BAZ2B: variants seen among roughly 807,000 people sequenced by gnomAD.
BAZ2B encodes the protein bromodomain adjacent to zinc finger domain 2B.
BAZ2B carries 91 observed loss-of-function variants against 246.0 expected under a neutral mutation model. The ratio of observed to expected loss-of-function variants is 0.37; its 90% CI spans 0.31 to 0.44. The LOEUF (loss-of-function observed/expected upper bound fraction) is 0.44. Ranked by LOEUF, BAZ2B falls within the 20% of genes least tolerant of loss-of-function variation. The pLI, the probability that BAZ2B is intolerant of heterozygous loss-of-function variation, is 1.00. For synonymous variants in BAZ2B, 855 were observed against 860.0 expected (o/e 0.99, Z 0.10); for missense variants, 2,332 against 2,533.7 (o/e 0.92, Z 1.71).
At chr2:159,576,531 T>A (rs57606853) in intron 1 of BAZ2B, among the ~76,000 whole-genome samples, 44,395 of 142,914 alleles carry the variant, frequency 0.31, 8,372 homozygotes, top group Admixed American at 0.44. Context: ...ATCAAAGGTT[T>A]AAAAAAAAAA....
chr2:159,531,876 C>A (rs184504919), intron 2 of BAZ2B, among the ~76,000 whole-genome samples: 1 of 152,280 alleles, frequency 6.6e-6, no homozygotes, highest in East Asian at 1.9e-4. Context: ...TTTATTCATG[C>A]TAACTTGCAA....
At chr2:159,699,612 TA>T in the BAZ2B span, among the ~76,000 whole-genome samples, 4 of 152,162 alleles carry the variant, frequency 2.6e-5, no homozygotes, top group Non-Finnish European at 4.4e-5. Context: ...GAGCTTACAA[TA>T]AATCAGTGGA....
intron 13 of BAZ2B, chr2:159,419,898 A>G (rs2068439764): frequency 6.6e-6 from 1 of 152,232 alleles, no homozygotes; most frequent in Non-Finnish European, 1.5e-5. Flanking sequence ...TTAACAGCAG[A>G]GCTGAATTAG....
chr2:159,412,661 T>C (rs887855207), intron 13 of BAZ2B, 116 bp from the exon 14 acceptor site: 1 of 916,710 alleles, frequency 1.1e-6, no homozygotes, highest in Admixed American at 2.7e-5. Flanking sequence ...ACAACATTAG[T>C]ATAAGCTTTA....
the BAZ2B span, chr2:159,694,493 C>T: frequency 6.6e-6 from 1 of 152,140 alleles, no homozygotes; most frequent in East Asian, 1.9e-4. Flanking sequence ...ACTCCTACCT[C>T]TTGCTTTTCC....
the BAZ2B span, among the ~76,000 whole-genome samples, chr2:159,708,183 A>T: frequency 6.6e-6 from 1 of 151,878 alleles, no homozygotes; most frequent in East Asian, 1.9e-4. Context: ...AGTCACAGCC[A>T]CACAGGAGGC....
chr2:159,554,809 T>C (rs1056098241), intron 2 of BAZ2B, among the ~76,000 whole-genome samples: 2 of 152,140 alleles, frequency 1.3e-5, no homozygotes, highest in Admixed American at 6.5e-5. Flanking sequence ...ATTCAGATTT[T>C]ATCACTTAGA....
At chr2:159,501,194 T>A (rs1433345856) in intron 2 of BAZ2B, among the ~76,000 whole-genome samples, 1 of 104,984 alleles carries the variant, frequency 9.5e-6, no homozygotes, top group Non-Finnish European at 1.8e-5. Flanking sequence ...TTATATATAA[T>A]ATATATATTT....
intron 33 of BAZ2B, among the ~76,000 whole-genome samples, chr2:159,335,402 C>T (rs2065461051): frequency 1.3e-5 from 2 of 151,944 alleles, no homozygotes; most frequent in African/African-American, 2.4e-5. Context: ...CAAAATTTAG[C>T]TGGGCATGGT....
At chr2:159,611,723 C>T (rs76202233) in intron 1 of BAZ2B, among the ~76,000 whole-genome samples, 19,329 of 151,764 alleles carry the variant, frequency 0.13, 1,794 homozygotes, top group Non-Finnish European at 0.2. Context: ...CCTAATACAC[C>T]TAAAGACCTA....
intron 31 of BAZ2B, among the ~76,000 whole-genome samples, chr2:159,346,174 T>G (rs955527022): frequency 1.3e-5 from 2 of 152,180 alleles, no homozygotes; most frequent in South Asian, 4.1e-4. Context: ...TAATAAATTT[T>G]TGCTTCCCAA....
chr2:159,345,581 C>G (rs2067646829), intron 31 of BAZ2B, among the ~76,000 whole-genome samples: 1 of 152,180 alleles, frequency 6.6e-6, no homozygotes, highest in African/African-American at 2.4e-5. Flanking sequence ...CTGAGTATGT[C>G]ACCAGGAAAA....
intron 2 of BAZ2B, among the ~76,000 whole-genome samples, chr2:159,483,732 G>A (rs914905644): frequency 6.6e-6 from 1 of 152,066 alleles, no homozygotes; most frequent in Non-Finnish European, 1.5e-5. Flanking sequence ...AGTGAGCCAA[G>A]GTTGCACCAC....
chr2:159,606,996 T>C (rs1693656865), intron 1 of BAZ2B, among the ~76,000 whole-genome samples: 1 of 149,424 alleles, frequency 6.7e-6, no homozygotes, highest in Non-Finnish European at 1.5e-5. Flanking sequence ...CTCAGCTCAC[T>C]GCAACCTCCG....
At chr2:159,389,019 G>C (rs1406425068) in intron 21 of BAZ2B, among the ~76,000 whole-genome samples, 3 of 152,142 alleles carry the variant, frequency 2.0e-5, no homozygotes, top group Non-Finnish European at 2.9e-5. Context: ...ACGAGAAGTT[G>C]AGGCTTCAGT....
intron 22 of BAZ2B, 63 bp downstream of exon 22, chr2:159,386,290 A>T: frequency 7.0e-7 from 1 of 1,436,166 alleles, no homozygotes; most frequent in Non-Finnish European, 9.4e-7. Context: ...TAATATGCTA[A>T]AGCTATCTAC....
intron 2 of BAZ2B, among the ~76,000 whole-genome samples, chr2:159,523,566 T>G (rs1230562662): frequency 6.6e-6 from 1 of 151,960 alleles, no homozygotes; most frequent in African/African-American, 2.4e-5. Flanking sequence ...TAGCCGGGCA[T>G]GGTGGCGCAT....
chr2:159,332,695 C>A lies in BAZ2B; in HGVS notation c.5797-9G>T. ...CGACAGATTTGGCAGTACTATAATACATGAAAAATCATTTAAAATTAACGC... is the reference window on the plus strand; with the variant it reads ...CGACAGATTTGGCAGTACTATAATAAATGAAAAATCATTTAAAATTAACGC... On this transcript the variant is annotated splice_polypyrimidine_tract_variant and intron_variant, in intron 33 of 36. Coordinates refer to ENST00000392783, the MANE Select transcript of BAZ2B (RefSeq NM_013450.4). The A allele has an allele frequency of 6.2e-7, 1 of 1,611,942 alleles. No homozygotes were observed. Among genetic ancestry groups the A allele is most frequent in the Non-Finnish European group, 8.5e-7 (1 of 1,179,106 alleles).
chr2:159,637,940 C>T, the BAZ2B span, among the ~76,000 whole-genome samples: 10 of 152,300 alleles, frequency 6.6e-5, no homozygotes, highest in African/African-American at 1.2e-4. Flanking sequence ...TGGAGGAACT[C>T]GCCACCCTGA....
Sources: gnomAD v4.1 joint callset for allele counts (sites outside exome capture counted in the v4.1 genomes callset) on GRCh38, gnomAD v4.1.1 for gene constraint, MANE v1.5 for transcripts, NCBI Gene and HGNC (gene_info 2026-07-23, HGNC 2026-07-21) for gene names.